The following NXPH1 variants were observed in gnomAD, a reference collection of about 807,000 sequenced individuals.
The protein encoded by NXPH1 is neurexophilin-1.
In NXPH1, 5 loss-of-function variants were observed where a neutral mutation model predicts 23.7. The ratio of observed to expected loss-of-function variants is 0.21; its 90% confidence interval spans 0.11 to 0.44. The LOEUF (loss-of-function observed/expected upper bound fraction) is 0.44. Among genes scored for constraint, NXPH1 ranks in the 20% least tolerant of loss-of-function variants. The pLI is 0.99. For missense variants in NXPH1, 324 were observed against 321.6 expected (o/e 1.01, Z -0.06); for synonymous variants, 144 against 122.2 (o/e 1.18, Z -1.18).
At chr7:8,545,772 A>G (rs374213099) in intron 2 of NXPH1, among the ~76,000 whole-genome samples, 12 of 151,496 alleles carry the variant, frequency 7.9e-5, no homozygotes, top group Non-Finnish European at 1.8e-4. Context: ...GAGAATACAA[A>G]TGTTCATAAC....
chr7:8,457,123 GT>G (rs1264675413), intron 2 of NXPH1, among the ~76,000 whole-genome samples: 1 of 152,182 alleles, frequency 6.6e-6, no homozygotes, highest in Non-Finnish European at 1.5e-5. Context: ...TGGCTTTTAA[GT>G]GGTGTTTTCA....
chr7:8,705,177 T>A (rs1779683737), intron 2 of NXPH1, among the ~76,000 whole-genome samples: 1 of 152,158 alleles, frequency 6.6e-6, no homozygotes, highest in Admixed American at 6.6e-5. Flanking sequence ...CTCACAGGTT[T>A]ATGCAAGTGC....
At chr7:8,686,353 G>C (rs1176406833) in intron 2 of NXPH1, among the ~76,000 whole-genome samples, 1 of 152,074 alleles carries the variant, frequency 6.6e-6, no homozygotes, top group African/African-American at 2.4e-5. Context: ...CTCTGTGGTA[G>C]TTCAGGAAAA....
At chr7:8,576,698 G>A (rs918659048) in intron 2 of NXPH1, among the ~76,000 whole-genome samples, 10 of 152,242 alleles carry the variant, frequency 6.6e-5, no homozygotes, top group African/African-American at 2.4e-4. Flanking sequence ...CTAGGAGATA[G>A]TGATTTATTA....
At chr7:8,743,874 C>A (rs1418450096) in intron 2 of NXPH1, among the ~76,000 whole-genome samples, 2 of 151,984 alleles carry the variant, frequency 1.3e-5, no homozygotes, top group East Asian at 3.9e-4. Context: ...TCAGTAGAGA[C>A]GGGGTTTCAG....
At chr7:8,622,391 G>T (rs182155287) in intron 2 of NXPH1, among the ~76,000 whole-genome samples, 12 of 152,278 alleles carry the variant, frequency 7.9e-5, no homozygotes, top group Middle Eastern at 3.4e-3. Context: ...TTGAATTCAG[G>T]TCCTTCAATT....
chr7:8,471,579 A>G (rs1816872973), intron 2 of NXPH1, among the ~76,000 whole-genome samples: 1 of 152,114 alleles, frequency 6.6e-6, no homozygotes, highest in Admixed American at 6.5e-5. Context: ...TACAGAAAAG[A>G]TCTTGACTTG....
chr7:8,598,411 A>G (rs561883010), intron 2 of NXPH1, among the ~76,000 whole-genome samples: 23 of 152,254 alleles, frequency 1.5e-4, no homozygotes, highest in African/African-American at 5.5e-4. Flanking sequence ...TGGGGCACAT[A>G]GACCTGGTTC....
intron 2 of NXPH1, among the ~76,000 whole-genome samples, chr7:8,568,574 T>G (rs1338451106): frequency 6.6e-6 from 1 of 151,186 alleles, no homozygotes; most frequent in Admixed American, 6.6e-5. Flanking sequence ...ATCTCCAAAC[T>G]TGATGCTTTG....
intron 2 of NXPH1, among the ~76,000 whole-genome samples, chr7:8,639,149 C>T (rs931290977): frequency 6.6e-6 from 1 of 152,106 alleles, no homozygotes; most frequent in Non-Finnish European, 1.5e-5. Context: ...ATCATATAAA[C>T]TAATAAGGAA....
At chr7:8,721,569 ATC>A (rs1779970928) in intron 2 of NXPH1, among the ~76,000 whole-genome samples, 1 of 152,082 alleles carries the variant, frequency 6.6e-6, no homozygotes, top group Admixed American at 6.6e-5. Flanking sequence ...AGGTCAGGAG[ATC>A]GAGACCATCC....
chr7:8,551,713 T>C (rs1291594545), intron 2 of NXPH1, among the ~76,000 whole-genome samples: 1 of 151,488 alleles, frequency 6.6e-6, no homozygotes, highest in Non-Finnish European at 1.5e-5. Flanking sequence ...CTAAGTCTTA[T>C]TTACTACTGT....
intron 2 of NXPH1, among the ~76,000 whole-genome samples, chr7:8,733,632 G>A (rs1268015767): frequency 6.6e-6 from 1 of 152,122 alleles, no homozygotes; most frequent in Non-Finnish European, 1.5e-5. Context: ...CTAATGACCA[G>A]TGATGAGCTT....
intron 2 of NXPH1, among the ~76,000 whole-genome samples, chr7:8,570,845 A>C (rs917467148): frequency 1.3e-5 from 2 of 151,748 alleles, no homozygotes; most frequent in African/African-American, 2.4e-5. Context: ...ATATTTTGAT[A>C]ATTTGGTAGG....
chr7:8,714,611 C>T (rs879907081), intron 2 of NXPH1, among the ~76,000 whole-genome samples: 33 of 152,100 alleles, frequency 2.2e-4, no homozygotes, highest in African/African-American at 8.0e-4. Flanking sequence ...TACCTGGTTA[C>T]TGCTGCTGGT....
At chr7:8,574,251 G>C (rs1818708145) in intron 2 of NXPH1, among the ~76,000 whole-genome samples, 1 of 151,844 alleles carries the variant, frequency 6.6e-6, no homozygotes, top group African/African-American at 2.4e-5. Flanking sequence ...ATATTTTCTA[G>C]GCAAAACTGT....
chr7:8,647,980 G>A (rs1190548154), intron 2 of NXPH1, among the ~76,000 whole-genome samples: 3 of 152,116 alleles, frequency 2.0e-5, no homozygotes, highest in African/African-American at 7.2e-5. Context: ...TGGCCTATAT[G>A]AAACTATCCA....
intron 2 of NXPH1, among the ~76,000 whole-genome samples, chr7:8,676,130 G>T (rs1419678391): frequency 5.3e-5 from 8 of 152,176 alleles, no homozygotes; most frequent in African/African-American, 1.4e-4. Context: ...ACATTTCAAT[G>T]CAGTTGCTGC....
At chr7:8,617,967 A>T (rs958506486) in intron 2 of NXPH1, among the ~76,000 whole-genome samples, 1 of 152,134 alleles carries the variant, frequency 6.6e-6, no homozygotes, top group African/African-American at 2.4e-5. Context: ...GCAAGTGGGT[A>T]CATCTCATGT....
Sources: gnomAD v4.1 joint callset for allele counts (sites outside exome capture counted in the v4.1 genomes callset) on GRCh38, gnomAD v4.1.1 for gene constraint, MANE v1.5 for transcripts, NCBI Gene and HGNC (gene_info 2026-07-23, HGNC 2026-07-21) for gene names.